The following AGBL4 variants were observed in gnomAD, a reference collection of about 807,000 sequenced individuals.
AGBL4 encodes AGBL carboxypeptidase 4.
AGBL4 carries 58 observed loss-of-function variants against 66.4 expected under a neutral mutation model. The ratio of observed to expected loss-of-function variants is 0.87; its 90% confidence interval spans 0.71 to 1.09. AGBL4 has a LOEUF of 1.09. Ranked by LOEUF, AGBL4 falls within the 50% of genes least tolerant of loss-of-function variation. The pLI, the probability that AGBL4 is intolerant of heterozygous loss-of-function variation, is 0.00. For synonymous variants in AGBL4, 234 were observed against 222.9 expected (o/e 1.05, Z -0.44); for missense variants, 579 against 631.0 (o/e 0.92, Z 0.88).
intron 3 of AGBL4, among the ~76,000 whole-genome samples, chr1:49,465,189 A>C (rs1454933070): frequency 6.9e-6 from 1 of 144,374 alleles, no homozygotes; most frequent in Non-Finnish European, 1.5e-5. Flanking sequence ...CCCTGACTGT[A>C]TTCCCTACCC....
At chr1:49,213,465 G>A (rs1648832118) in intron 4 of AGBL4, among the ~76,000 whole-genome samples, 1 of 151,982 alleles carries the variant, frequency 6.6e-6, no homozygotes, top group South Asian at 2.1e-4. Context: ...GTGTTCTCAT[G>A]AGATATGCCT....
intron 2 of AGBL4, among the ~76,000 whole-genome samples, chr1:49,703,705 C>G (rs1261505993): frequency 2.6e-5 from 4 of 151,626 alleles, no homozygotes; most frequent in Admixed American, 2.0e-4. Context: ...TATAAAGACC[C>G]AAGCTATTGC....
chr1:49,945,987 C>T (rs1451449931), intron 1 of AGBL4, among the ~76,000 whole-genome samples: 1 of 151,860 alleles, frequency 6.6e-6, no homozygotes, highest in African/African-American at 2.4e-5. Context: ...TGATAAAAGG[C>T]CTTGTCCAAC....
intron 1 of AGBL4, among the ~76,000 whole-genome samples, chr1:49,900,904 C>A (rs1649700544): frequency 6.6e-6 from 1 of 152,160 alleles, no homozygotes; most frequent in African/African-American, 2.4e-5. Context: ...CCTGAAGAAG[C>A]CTTGGATTAC....
At chr1:49,305,389 T>C (rs1319971344) in intron 3 of AGBL4, among the ~76,000 whole-genome samples, 1 of 152,212 alleles carries the variant, frequency 6.6e-6, no homozygotes, top group East Asian at 1.9e-4. Context: ...GCCTCACAGC[T>C]GGCCCTGTGG....
At chr1:49,029,585 T>C (rs1664042084) in intron 5 of AGBL4, among the ~76,000 whole-genome samples, 1 of 152,144 alleles carries the variant, frequency 6.6e-6, no homozygotes, top group Non-Finnish European at 1.5e-5. Context: ...AATTAAATAT[T>C]GTTGATATGG....
chr1:48,522,811 A>C, the AGBL4 span, among the ~76,000 whole-genome samples: 515 of 152,120 alleles, frequency 3.4e-3, 7 homozygotes, highest in South Asian at 0.011. Context: ...CTGTAATCCC[A>C]GCTACTCAGG....
At chr1:49,131,768 A>G (rs1184619651) in intron 4 of AGBL4, among the ~76,000 whole-genome samples, 2 of 152,132 alleles carry the variant, frequency 1.3e-5, no homozygotes, top group Non-Finnish European at 1.5e-5. Context: ...CAGAACAAGA[A>G]TAATGTTCTA....
the AGBL4 span, among the ~76,000 whole-genome samples, chr1:48,523,698 C>T: frequency 7.6e-5 from 11 of 144,794 alleles, no homozygotes; most frequent in Admixed American, 5.0e-4. Context: ...TCTCAAGCTC[C>T]GTGGAGCTGC....
chr1:48,924,264 C>T (rs1654335063), intron 5 of AGBL4, among the ~76,000 whole-genome samples: 1 of 150,764 alleles, frequency 6.6e-6, no homozygotes, highest in Admixed American at 6.6e-5. Flanking sequence ...ACACATGTAC[C>T]TGCTGAATCT....
intron 4 of AGBL4, among the ~76,000 whole-genome samples, chr1:49,148,124 T>C (rs957340911): frequency 6.6e-6 from 1 of 152,182 alleles, no homozygotes; most frequent in African/African-American, 2.4e-5. Context: ...ATGGAGATAA[T>C]ACTTTGTAGG....
chr1:49,242,244 C>T (rs1181758442), intron 4 of AGBL4, among the ~76,000 whole-genome samples: 1 of 151,918 alleles, frequency 6.6e-6, no homozygotes. Flanking sequence ...AGTAGATGAT[C>T]AATAAAAATA....
chr1:48,648,135 C>CAT, intron 8 of AGBL4, among the ~76,000 whole-genome samples: 1 of 152,198 alleles, frequency 6.6e-6, no homozygotes, highest in Non-Finnish European at 1.5e-5. Context: ...TCATAATGTG[C>CAT]TACCAACAAC....
intron 3 of AGBL4, among the ~76,000 whole-genome samples, chr1:49,395,766 CATATATAT>C: frequency 7.3e-6 from 1 of 136,918 alleles, no homozygotes. Context: ...TATATATACA[CATATATAT>C]ACATGTGTAT....
chr1:49,595,398 T>C (rs1644833519), intron 3 of AGBL4, among the ~76,000 whole-genome samples: 1 of 152,076 alleles, frequency 6.6e-6, no homozygotes, highest in African/African-American at 2.4e-5. Flanking sequence ...CTCATTGTGG[T>C]TTTGATTAAT....
At chr1:49,798,689 A>G (rs977411928) in intron 2 of AGBL4, among the ~76,000 whole-genome samples, 2 of 152,284 alleles carry the variant, frequency 1.3e-5, no homozygotes, top group South Asian at 4.1e-4. Flanking sequence ...TGGATTGATA[A>G]TTTAATATTG....
intron 3 of AGBL4, among the ~76,000 whole-genome samples, chr1:49,424,803 C>T (rs1236633853): frequency 3.9e-5 from 6 of 152,116 alleles, no homozygotes; most frequent in African/African-American, 4.8e-5. Context: ...GATGGGGACT[C>T]GCAGCACTGT....
intron 11 of AGBL4, among the ~76,000 whole-genome samples, chr1:48,547,852 A>G (rs1283148032): frequency 3.3e-5 from 5 of 152,108 alleles, no homozygotes; most frequent in Non-Finnish European, 5.9e-5. Context: ...TGTGGTTTTC[A>G]TCATTAACTA....
intron 4 of AGBL4, among the ~76,000 whole-genome samples, chr1:49,239,958 C>CA (rs1651087548): frequency 6.6e-6 from 1 of 151,630 alleles, no homozygotes; most frequent in African/African-American, 2.4e-5. Context: ...AAATGTATGA[C>CA]TTTTTTTAGC....
Sources: allele counts gnomAD v4.1 joint callset (sites outside exome capture counted in the v4.1 genomes callset), GRCh38; gene constraint gnomAD v4.1.1; transcripts MANE v1.5; gene names NCBI Gene and HGNC (gene_info 2026-07-23, HGNC 2026-07-21).